AGAP1: variants seen among roughly 807,000 people sequenced by gnomAD.
The protein encoded by AGAP1 is arf-GAP with GTPase, ANK repeat and PH domain-containing protein 1.
A neutral mutation model predicts 105.3 loss-of-function variants in AGAP1; 29 were observed. That is an observed-to-expected ratio of 0.28 (90% CI 0.21 to 0.38). AGAP1 has a LOEUF of 0.38. Among genes scored for constraint, AGAP1 ranks in the 10% least tolerant of loss-of-function variants. AGAP1 has a pLI of 1.00. For missense variants in AGAP1, 998 were observed against 1,165.1 expected, an observed-to-expected ratio of 0.86 and a Z score of 2.09; for synonymous variants, 509 against 485.9, an observed-to-expected ratio of 1.05 and a Z score of -0.63.
Position 235,882,696 on chromosome 2 carries a change from A to G in AGAP1, c.1051-649A>G, listed in dbSNP as rs2050089754. On this transcript the variant is annotated intron_variant, in intron 9 of 17. Transcript: ENST00000304032. This position sits in a 1 kb window ranked among gnomAD's most constrained non-coding sequence, Gnocchi z 4.6. ...GCCATGGTTGGCCAGGCTGGCCTCA[A>G]ACTCCTGACCTCAGGTGATCTGCCC... Among the ~76,000 whole-genome samples, 1 of 152,140 alleles carries G rather than the reference A, an allele frequency of 6.6e-6. No homozygotes were observed. The highest frequency in any genetic ancestry group is 2.4e-5 in the African/African-American group (1 of 41,414).
intron 1 of AGAP1, among the ~76,000 whole-genome samples, chr2:235,573,355 G>A (rs1252323424): frequency 6.6e-6 from 1 of 151,860 alleles, no homozygotes; most frequent in East Asian, 1.9e-4. Context: ...TGGGATTACA[G>A]GTGTGTGTCC....
intron 9 of AGAP1, among the ~76,000 whole-genome samples, chr2:235,854,958 C>A (rs1175354958): frequency 1.3e-5 from 2 of 152,052 alleles, no homozygotes; most frequent in African/African-American, 2.4e-5. Context: ...GTCACGTAGA[C>A]TTTGTGAGAG....
In AGAP1 at chr2:236,129,557, C is replaced by G. The variant is rs1576367598; in HGVS notation, c.*5435C>G. 1 of 152,152 alleles carries G rather than the reference C, an allele frequency of 6.6e-6. No homozygotes were observed. The highest frequency in any genetic ancestry group is 1.9e-4 in the East Asian group (1 of 5,178). 9.4% of individuals were successfully genotyped at this position (152,152 alleles called of 1,614,324 possible). ...GATTAGAGAGAAGTGGCCAGTGTCCCGTCTGTGATTAGACAGAAACCCCTG... is the reference window on the plus strand; with the variant it reads ...GATTAGAGAGAAGTGGCCAGTGTCCGGTCTGTGATTAGACAGAAACCCCTG... On this transcript the variant is annotated 3_prime_UTR_variant, in exon 18 of 18. Coordinates refer to ENST00000304032, the MANE Select transcript of AGAP1 (RefSeq NM_001037131.3). This position sits in a 1 kb window ranked among gnomAD's most constrained non-coding sequence, Gnocchi z 6.2.
rs779212388 is a variant in AGAP1, at chr2:236,038,497, G to A, written c.1800+1782G>A. Among the ~76,000 whole-genome samples, 27 of 152,268 alleles carry A rather than the reference G, an allele frequency of 1.8e-4. No homozygotes were observed. Among genetic ancestry groups the A allele is most frequent in the Admixed American group, 3.3e-4 (5 of 15,286 alleles). The stretch of plus-strand genomic sequence containing the variant: ...ACACCAGCCTTAGAATGCTGCCCTC[G>A]GCCCTCACTAGGCGCCTGTTCTCCA... On this transcript the variant is annotated intron_variant, in intron 14 of 17. Coordinates refer to ENST00000304032, the MANE Select transcript of AGAP1 (RefSeq NM_001037131.3). The surrounding 1 kb of genome is among the most constrained non-coding windows in gnomAD (Gnocchi z 4.5).
intron 1 of AGAP1, among the ~76,000 whole-genome samples, chr2:235,571,932 T>TGTGTGTGTG (rs1944529407): frequency 1.1e-4 from 11 of 103,656 alleles, no homozygotes; most frequent in Admixed American, 7.8e-4. Context: ...TGCCCACACT[T>TGTGTGTGTG]TGTGTGTGTG....
intron 16 of AGAP1, among the ~76,000 whole-genome samples, chr2:236,097,359 T>C (rs182753904): frequency 1.4e-3 from 198 of 144,438 alleles, no homozygotes; most frequent in South Asian, 4.7e-3. Flanking sequence ...ATATACATAA[T>C]ATAAAATTTG....
chr2:235,920,826 C>T (rs2052149454), intron 11 of AGAP1, among the ~76,000 whole-genome samples: 1 of 152,116 alleles, frequency 6.6e-6, no homozygotes, highest in African/African-American at 2.4e-5. Flanking sequence ...ATAGGAAAAC[C>T]CACTGTTGAT....
Position 235,758,251 on chromosome 2 carries a change from G to A in AGAP1, c.673+7763G>A, listed in dbSNP as rs534894656. Among the ~76,000 whole-genome samples, 10 of 152,268 alleles carry A rather than the reference G, an allele frequency of 6.6e-5. No homozygotes were observed. In the East Asian group the frequency reaches 1.9e-3, roughly 29 times the overall value. ...TGTGTACATTAGGCACTTGATATAT[G>A]TTGAAAAGGTGGATTAATGGGTCAT... On this transcript the variant is annotated intron_variant, in intron 6 of 17. Transcript: ENST00000304032.
intron 16 of AGAP1, among the ~76,000 whole-genome samples, chr2:236,066,717 AT>A (rs973108638): frequency 6.6e-6 from 1 of 152,208 alleles, no homozygotes; most frequent in Non-Finnish European, 1.5e-5. Context: ...CATTTTGAGT[AT>A]ACAATCAATT....
chr2:235,859,310 A>G (rs1051735710), intron 9 of AGAP1, among the ~76,000 whole-genome samples: 1 of 149,628 alleles, frequency 6.7e-6, no homozygotes, highest in Admixed American at 6.7e-5. Flanking sequence ...CCAGAGAACC[A>G]TTCACTGTTG....
chr2:235,930,685 G>T lies in AGAP1; in HGVS notation c.1325-80G>T, dbSNP rs951999242. ...GGTAAGGTGCACTATGTGCCAGCGT[G>T]TGGGTCCCATAGACTAACTCGCGCT... On this transcript the variant is annotated intron_variant, in intron 11 of 17. Transcript: ENST00000304032. This position sits in a 1 kb window ranked among gnomAD's most constrained non-coding sequence, Gnocchi z 7.9. 3 of 1,452,922 alleles carry T rather than the reference G, an allele frequency of 2.1e-6. No homozygotes were observed. The highest frequency in any genetic ancestry group is 1.4e-5 in the African/African-American group (1 of 71,352). 90.0% of individuals were successfully genotyped at this position (1,452,922 alleles called of 1,614,324 possible).
At position 235,660,721 on chromosome 2, in the gene AGAP1, G is replaced by C. The variant is rs1371419488; in HGVS notation, c.164-48458G>C. Among the ~76,000 whole-genome samples the C allele has an allele frequency of 6.6e-6, 1 of 152,168 alleles. No homozygotes were observed. Among genetic ancestry groups the C allele is most frequent in the Non-Finnish European group, 1.5e-5 (1 of 68,032 alleles). On this transcript the variant is annotated intron_variant, in intron 1 of 17. Coordinates refer to ENST00000304032, the MANE Select transcript of AGAP1 (RefSeq NM_001037131.3). The surrounding 1 kb of genome is among the most constrained non-coding windows in gnomAD (Gnocchi z 5.3). ...GAAAGGACACTGGTGTGTTTAGATG[G>C]GGAATCTTGGGATGCAATAGAAACA...
In AGAP1 at chr2:236,005,330, G is replaced by A. The variant is rs2056286136; in HGVS notation, c.1646-31231G>A. 2.0e-5 allele frequency among the ~76,000 whole-genome samples: 3 copies of A among 151,936 alleles called. No homozygotes were observed. The highest frequency in any genetic ancestry group is 6.6e-5 in the Admixed American group (1 of 15,256). On this transcript the variant is annotated intron_variant, in intron 13 of 17. Transcript: ENST00000304032. The surrounding 1 kb of genome is among the most constrained non-coding windows in gnomAD (Gnocchi z 4.1). ...AATTTTTTTTATTTTTGGTAGAAAC[G>A]TTGTTTCACCATGTTGCCCAGGCTG...
Position 235,777,389 on chromosome 2 carries a change from C to T in AGAP1, c.674-20370C>T, listed in dbSNP as rs976881529. 2.0e-5 allele frequency among the ~76,000 whole-genome samples: 3 copies of T among 152,194 alleles called. No homozygotes were observed. Among genetic ancestry groups the T allele is most frequent in the Non-Finnish European group, 1.5e-5 (1 of 68,032 alleles). On this transcript the variant is annotated intron_variant, in intron 6 of 17. Coordinates refer to ENST00000304032, the MANE Select transcript of AGAP1 (RefSeq NM_001037131.3). This position sits in a 1 kb window ranked among gnomAD's most constrained non-coding sequence, Gnocchi z 5.1. ...AAGTGATTTCCTGAGCTGCTCCGAG[C>T]TGGAGACAGAACCAGCAGACATGGG... is the stretch of plus-strand genomic sequence containing the variant.
chr2:235,876,485 C>G (rs186540704), intron 9 of AGAP1, among the ~76,000 whole-genome samples: 1 of 152,342 alleles, frequency 6.6e-6, no homozygotes, highest in Non-Finnish European at 1.5e-5. Context: ...CACCCTCCGT[C>G]TCCCGGACTT....
In AGAP1 at chr2:235,569,013, C is replaced by A. The variant is rs186788945; in HGVS notation, c.163+74164C>A. Among the ~76,000 whole-genome samples, 41 of 152,304 alleles carry A rather than the reference C, an allele frequency of 2.7e-4. No individual in the cohort carries two copies. Among genetic ancestry groups the A allele is most frequent in the South Asian group, 2.1e-3 (10 of 4,824 alleles). ...TTAATTTAATCACACCAGCAAAGTTCCTTTTGCCATATAAGGATATGGCAG... is the reference window on the plus strand; with the variant it reads ...TTAATTTAATCACACCAGCAAAGTTACTTTTGCCATATAAGGATATGGCAG... On this transcript the variant is annotated intron_variant, in intron 1 of 17. Coordinates refer to ENST00000304032, the MANE Select transcript of AGAP1 (RefSeq NM_001037131.3). The surrounding 1 kb of genome is among the most constrained non-coding windows in gnomAD (Gnocchi z 5.9).
rs1040412010 is a variant in AGAP1, at chr2:235,535,910, G to A, written c.163+41061G>A. ...AGCTCTCCAGGCTCTGGCCACAGTG[G>A]CTTTCCTGCCCTCCTTGGCTGGTGG... is the stretch of plus-strand genomic sequence containing the variant. On this transcript the variant is annotated intron_variant, in intron 1 of 17. Transcript: ENST00000304032. This position sits in a 1 kb window ranked among gnomAD's most constrained non-coding sequence, Gnocchi z 5.1. 6.6e-6 allele frequency among the ~76,000 whole-genome samples: 1 copy of A among 151,958 alleles called. No individual in the cohort carries two copies. Among genetic ancestry groups the A allele is most frequent in the African/African-American group, 2.4e-5 (1 of 41,362 alleles).
rs1296209272 is a variant in AGAP1, at chr2:235,819,280, AT to A, written c.1050+11955del. On this transcript the variant is annotated intron_variant, in intron 9 of 17. Transcript: ENST00000304032. ...AAGCACACACCACGATACCTGGCTA[AT>A]TTTTTGTATTTTTAATAGAGATAGG... Among the ~76,000 whole-genome samples, 22 of 151,762 alleles carry A rather than the reference AT, an allele frequency of 1.4e-4. No homozygotes were observed. The South Asian group carries it at 4.2e-3, about 29-fold the overall frequency.
intron 2 of AGAP1, among the ~76,000 whole-genome samples, chr2:235,710,483 C>T (rs890491239): frequency 6.6e-6 from 1 of 152,208 alleles, no homozygotes; most frequent in African/African-American, 2.4e-5. Context: ...GGCCCATCTC[C>T]TTCCCGGTGT....
Sources: allele counts gnomAD v4.1 joint callset (sites outside exome capture counted in the v4.1 genomes callset), GRCh38; gene constraint gnomAD v4.1.1; non-coding constraint Gnocchi (gnomAD v3.1); transcripts MANE v1.5; gene names NCBI Gene and HGNC (gene_info 2026-07-23, HGNC 2026-07-21).